Variants in BRCA2 observed in about 807,000 individuals in gnomAD.
The protein encoded by BRCA2 is breast cancer type 2 susceptibility protein.
A neutral mutation model predicts 276.7 loss-of-function variants in BRCA2; 203 were observed. That is an observed-to-expected ratio of 0.73 (90% CI 0.65 to 0.82). The LOEUF is 0.82. BRCA2 is among the 40% of genes least tolerant of loss of function. The pLI is 0.00. For missense variants in BRCA2, 3,920 were observed against 3,915.0 expected (o/e 1.00, Z -0.03); for synonymous variants, 1,289 against 1,338.4 (o/e 0.96, Z 0.81).
rs55833327 is a variant in BRCA2, at chr13:32,332,499, T to C, written c.1021T>C (p.Cys341Arg). The change falls in exon 10 of 27, where the codon TGT becomes CGT. Residue 341 changes from cysteine (C) to arginine (R), a missense_variant. By Grantham distance (180) the Cys-to-Arg change is radical (BLOSUM62 -3). Coordinates refer to ENST00000380152, the MANE Select transcript of BRCA2 (RefSeq NM_000059.4). ...TTTCCATGAAGCAAACGCTGATGAA[T>C]GTGAAAAATCTAAAAACCAAGTGAA... Reference protein sequence around the residue: ...KIFHEANADECEKSKNQVKEK... With the variant: ...KIFHEANADEREKSKNQVKEK... The C allele has an allele frequency of 6.8e-6, 11 of 1,610,590 alleles. No individual in the cohort carries two copies. The African/African-American group carries it at 1.3e-4, about 20-fold the overall frequency.
intron 18 of BRCA2, among the ~76,000 whole-genome samples, chr13:32,365,109 C>CTTTTTTTTTTTTTTTTTT (rs57551462): frequency 1.6e-5 from 1 of 64,458 alleles, no homozygotes. Context: ...GCAGTGCATT[C>CTTTTTTTTTTTTTTTTTT]TTTTTTTTTT....
At position 32,319,164 on chromosome 13, in the gene BRCA2, A is replaced by G. The variant is rs749827015; in HGVS notation, c.155A>G (p.His52Arg). 2 of 1,614,110 alleles carry G rather than the reference A, an allele frequency of 1.2e-6. No individual in the cohort carries two copies. Among genetic ancestry groups the G allele is most frequent in the Non-Finnish European group, 1.7e-6 (2 of 1,179,984 alleles). Residue 52 changes from histidine (H) to arginine (R), a missense_variant, in exon 3 of 27, where the codon CAT (histidine) becomes CGT (arginine). Physicochemically the swap from His to Arg is conservative, Grantham distance 29. This residue lies in a region of BRCA2 where 3,263 missense variants were observed against 3,156.9 expected (regional missense o/e 1.03). Transcript: ENST00000380152. ...YNSEPAEESE[H>R]KNNNYEPNLF... ...TCTGAACCTGCAGAAGAATCTGAAC[A>G]TAAAAACAACAATTACGAACCAAAC...
At position 32,326,580 on chromosome 13, in the gene BRCA2, A is replaced by G. The variant is rs398122543; in HGVS notation, c.598A>G (p.Thr200Ala). The G allele has an allele frequency of 8.1e-6, 13 of 1,611,912 alleles. No homozygotes were observed. The highest frequency in any genetic ancestry group is 1.1e-5 in the Non-Finnish European group (13 of 1,177,970). ...TATGTCTTGGTCAAGTTCTTTAGCT[A>G]CACCACCCACCCTTAGTTCTACTGT... The part of the protein sequence containing the change: ...PDMSWSSSLA[T>A]PPTLSSTVLI... The change falls in exon 7 of 27, where the codon ACA becomes GCA. Residue 200 changes from threonine (T) to alanine (A), a missense_variant. Physicochemically the swap from Thr to Ala is moderately conservative, Grantham distance 58. Around this residue, in one of 2 missense-constraint regions of BRCA2, gnomAD observed 3,263 missense variants for 3,156.9 expected, o/e 1.03. Transcript: ENST00000380152.
At chr13:32,335,445 A>G (rs1211965564) in intron 10 of BRCA2, among the ~76,000 whole-genome samples, 1 of 152,072 alleles carries the variant, frequency 6.6e-6, no homozygotes, top group Non-Finnish European at 1.5e-5. Flanking sequence ...TTAACAGAGC[A>G]GTTGAACTCA....
Position 32,340,685 on chromosome 13 carries a change from T to A in BRCA2, c.6330T>A (p.Asp2110Glu). The change falls in exon 11 of 27, where the codon GAT (aspartate) becomes GAA (glutamate). Residue 2110 changes from aspartate to glutamate, a missense_variant. By Grantham distance (45) the Asp-to-Glu change is conservative. This residue lies in a region of BRCA2 where 3,263 missense variants were observed against 3,156.9 expected (regional missense o/e 1.03). Transcript: ENST00000380152. ...QNVSKILPRVDKRNPEHCVNS... is the reference protein window; with the variant it reads ...QNVSKILPRVEKRNPEHCVNS... ...TATCAAAAATACTTCCTCGTGTTGA[T>A]AAGAGAAACCCAGAGCACTGTGTAA... The A allele has an allele frequency of 6.2e-7, 1 of 1,609,018 alleles. No individual in the cohort carries two copies. The highest frequency in any genetic ancestry group is 8.5e-7 in the Non-Finnish European group (1 of 1,178,842).
chr13:32,385,843 CA>C, intron 24 of BRCA2: 1 of 162,616 alleles, frequency 6.1e-6, no homozygotes, highest in Non-Finnish European at 1.4e-5. Context: ...TCAGGAATTT[CA>C]AAAGAAATCT....
intron 18 of BRCA2, among the ~76,000 whole-genome samples, chr13:32,369,260 CT>C (rs1323434595): frequency 1.3e-5 from 2 of 151,542 alleles, no homozygotes; most frequent in Non-Finnish European, 2.9e-5. Context: ...GTCCTGGGTT[CT>C]TTTTTAGTAT....
intron 20 of BRCA2, among the ~76,000 whole-genome samples, chr13:32,372,124 A>G (rs986834749): frequency 2.0e-5 from 3 of 152,324 alleles, no homozygotes; most frequent in East Asian, 3.9e-4. Flanking sequence ...GTAGCATGCA[A>G]TGCTGTTTGA....
intron 1 of BRCA2, 110 bp from the exon 2 acceptor site, chr13:32,316,312 G>A: frequency 5.4e-6 from 4 of 735,468 alleles, no homozygotes; most frequent in Non-Finnish European, 9.8e-6. Context: ...TCCAGGAGAT[G>A]GGACTGAATT....
chr13:32,350,896 G>A (rs1258560398), intron 13 of BRCA2, among the ~76,000 whole-genome samples: 1 of 152,182 alleles, frequency 6.6e-6, no homozygotes, highest in Non-Finnish European at 1.5e-5. Context: ...GGTCGTGTGG[G>A]GACTTGGAGA....
intron 7 of BRCA2, among the ~76,000 whole-genome samples, chr13:32,328,499 C>CA (rs977532595): frequency 8.5e-5 from 13 of 152,110 alleles, no homozygotes; most frequent in Non-Finnish European, 1.8e-4. Context: ...GTCTCAGCCA[C>CA]ATTTTTTTTG....
intron 16 of BRCA2, among the ~76,000 whole-genome samples, chr13:32,359,083 G>A (rs370230485): frequency 5.9e-5 from 9 of 151,828 alleles, no homozygotes; most frequent in African/African-American, 1.7e-4. Flanking sequence ...TTAGCTGGAC[G>A]TGGTGGCACG....
rs80359034 is a variant in BRCA2, at chr13:32,319,088, A to G, written c.79A>G (p.Ile27Val). 27 of 1,612,772 alleles carry G rather than the reference A, an allele frequency of 1.7e-5. 2 individuals carry two copies. The highest frequency in any genetic ancestry group is 2.2e-5 in the East Asian group (1 of 44,866). Residue 27 changes from isoleucine (I) to valine (V), a missense_variant, in exon 3 of 27, where the codon ATA becomes GTA. Physicochemically the swap from Ile to Val is conservative, Grantham distance 29. This residue lies in a region of BRCA2 where 3,263 missense variants were observed against 3,156.9 expected (regional missense o/e 1.03). Transcript: ENST00000380152. ...TTTTTTTTAAATAGATTTAGGACCA[A>G]TAAGTCTTAATTGGTTTGAAGAACT... ...TRCNKADLGP[I>V]SLNWFEELSS...
At chr13:32,366,777 G>C (rs565655646) in intron 18 of BRCA2, among the ~76,000 whole-genome samples, 1 of 149,572 alleles carries the variant, frequency 6.7e-6, no homozygotes, top group South Asian at 2.1e-4. Flanking sequence ...AGCCAAGGTC[G>C]CACCACTGCA....
Position 32,332,672 on chromosome 13 carries a change from A to T in BRCA2, c.1194A>T (p.Leu398=), listed in dbSNP as rs1489573067. The T allele has an allele frequency of 6.2e-7, 1 of 1,613,948 alleles. No homozygotes were observed. The highest frequency in any genetic ancestry group is 8.5e-7 in the Non-Finnish European group (1 of 1,179,974). Residue 398 remains leucine (L), a synonymous_variant, in exon 10 of 27, where the codon CTA becomes CTT. Coordinates refer to ENST00000380152, the MANE Select transcript of BRCA2 (RefSeq NM_000059.4). ...CTTTGGCCTGTGAATGGTCTCAACT[A>T]ACCCTTTCAGGTCTAAATGGAGCCC... is the stretch of plus-strand genomic sequence containing the variant. ...VPSLACEWSQ[L]TLSGLNGAQM...
At chr13:32,350,418 G>A (rs2072640242) in intron 13 of BRCA2, among the ~76,000 whole-genome samples, 1 of 152,122 alleles carries the variant, frequency 6.6e-6, no homozygotes. Flanking sequence ...TAACTCAAGA[G>A]AAAGCAAAAG....
rs786201520 is a variant in BRCA2 at position 32,396,999 on chromosome 13, G to A, written c.9603G>A (p.Gly3201=). The change falls in exon 26 of 27, where the codon GGG becomes GGA. Residue 3201 remains glycine, a synonymous_variant. Transcript: ENST00000380152. ...CCCCAACTAAAGACTGTACTTCAGG[G>A]CCGTACACTGCTCAAATCATTCCTG... ...WSTPTKDCTS[G]PYTAQIIPGT... 2 of 1,614,084 alleles carry A rather than the reference G, an allele frequency of 1.2e-6. No homozygotes were observed. Among genetic ancestry groups the A allele is most frequent in the Non-Finnish European group, 1.7e-6 (2 of 1,179,966 alleles).
Position 32,339,096 on chromosome 13 carries a change from G to C in BRCA2, c.4741G>C (p.Glu1581Gln), listed in dbSNP as rs368952892. The C allele has an allele frequency of 6.2e-7, 1 of 1,613,922 alleles. No individual in the cohort carries two copies. Among genetic ancestry groups the C allele is most frequent in the Non-Finnish European group, 8.5e-7 (1 of 1,179,880 alleles). Residue 1581 changes from glutamate (E) to glutamine (Q), a missense_variant, in exon 11 of 27, where the codon GAG (glutamate) becomes CAG (glutamine). By Grantham distance (29) the Glu-to-Gln change is conservative. Coordinates refer to ENST00000380152, the MANE Select transcript of BRCA2 (RefSeq NM_000059.4). ...CTGTAAAGACCTTGAATTAGCATGT[G>C]AGACCATTGAGATCACAGCTGCCCC... ...EACKDLELAC[E>Q]TIEITAAPKC...
intron 22 of BRCA2, 70 bp from the exon 23 acceptor site, chr13:32,379,676 GTATT>G: frequency 3.2e-6 from 5 of 1,551,706 alleles, no homozygotes; most frequent in Non-Finnish European, 4.4e-6. Flanking sequence ...AAGAGGATCT[GTATT>G]TATTTTGAAA....
Sources: gnomAD v4.1 joint callset for allele counts (sites outside exome capture counted in the v4.1 genomes callset) on GRCh38, gnomAD v4.1.1 for gene constraint, gnomAD v4.1.1 regional missense constraint, MANE v1.5 for transcripts, NCBI Gene and HGNC (gene_info 2026-07-23, HGNC 2026-07-21) for gene names.